TSHZ3: variants seen among roughly 807,000 people sequenced by gnomAD.
TSHZ3 encodes teashirt zinc finger homeobox 3.
In TSHZ3, 10 loss-of-function variants were observed where a neutral mutation model predicts 64.5. The ratio of observed to expected loss-of-function variants is 0.16; its 90% CI spans 0.10 to 0.26. TSHZ3 has a LOEUF of 0.26. TSHZ3 is among the 10% of genes least tolerant of loss of function. The pLI is 1.00. For synonymous variants in TSHZ3, 608 were observed against 593.1 expected, an observed-to-expected ratio of 1.03 and a Z score of -0.36; for missense variants, 1,242 against 1,421.7, an observed-to-expected ratio of 0.87 and a Z score of 2.03.
chr19:31,251,883 G>A (rs990866027), intron 1 of TSHZ3, among the ~76,000 whole-genome samples: 3 of 152,186 alleles, frequency 2.0e-5, no homozygotes, highest in Non-Finnish European at 2.9e-5. Context: ...TGATGCCGGA[G>A]CAAACCGCCT....
intron 4 of TSHZ3, chr19:31,207,542 C>T (rs188898662): frequency 3.2e-4 from 49 of 152,116 alleles, no homozygotes; most frequent in African/African-American, 9.2e-4. Flanking sequence ...AGAAGAGCCT[C>T]GGAGATAATC....
intron 5 of TSHZ3, among the ~76,000 whole-genome samples, chr19:31,182,144 C>G (rs1230456603): frequency 6.6e-6 from 1 of 152,148 alleles, no homozygotes; most frequent in Non-Finnish European, 1.5e-5. Context: ...AGAGTGAGCT[C>G]CATCAGTCTC....
intron 5 of TSHZ3, among the ~76,000 whole-genome samples, chr19:31,185,899 C>A (rs1391136214): frequency 6.6e-6 from 1 of 152,090 alleles, no homozygotes; most frequent in Non-Finnish European, 1.5e-5. Context: ...TTTTCCTGTT[C>A]TAGAATTTTA....
rs1357372386 is a variant in TSHZ3 at position 31,230,937 on chromosome 19, C to T, written n.551-2797G>A. ...CAGGATGGTCTCCATCTCCTGACCT[C>T]GTGATCCTCCAGCCTCGGCCTCCCA... is the stretch of plus-strand genomic sequence containing the variant. On this transcript the variant is annotated intron_variant and non_coding_transcript_variant, in intron 3 of 6. Coordinates refer to the TSHZ3 transcript ENST00000651361. 2.6e-5 allele frequency among the ~76,000 whole-genome samples: 4 copies of T among 151,616 alleles called. No individual in the cohort carries two copies. In the South Asian group the frequency reaches 6.2e-4, roughly 24 times the overall value.
At chr19:31,312,473 T>C (rs545438830) in intron 1 of TSHZ3, among the ~76,000 whole-genome samples, 17 of 152,232 alleles carry the variant, frequency 1.1e-4, no homozygotes, top group South Asian at 1.0e-3. Context: ...GGACACTCCA[T>C]TGCTGGCTGG....
chr19:31,269,355 T>G (rs189207096), intron 1 of TSHZ3, among the ~76,000 whole-genome samples: 2 of 152,290 alleles, frequency 1.3e-5, no homozygotes, highest in Admixed American at 6.5e-5. Flanking sequence ...CTCGGTTTCA[T>G]GGTCACTGAG....
chr19:31,160,865 T>C (rs1032851787), intron 5 of TSHZ3, among the ~76,000 whole-genome samples: 3 of 152,164 alleles, frequency 2.0e-5, no homozygotes, highest in Non-Finnish European at 2.9e-5. Flanking sequence ...AATATTTGTG[T>C]ATGTCCAAAT....
intron 1 of TSHZ3, among the ~76,000 whole-genome samples, chr19:31,330,995 T>C (rs1917073074): frequency 6.6e-6 from 1 of 152,208 alleles, no homozygotes; most frequent in Admixed American, 6.5e-5. Flanking sequence ...AGGCAAATTC[T>C]AGCAAAGACG....
chr19:31,206,077 AT>A (rs1753149356), intron 4 of TSHZ3, among the ~76,000 whole-genome samples: 1 of 4,894 alleles, frequency 2.0e-4, no homozygotes, highest in African/African-American at 2.9e-3. Context: ...GATGGGTGAA[AT>A]GGATGGATGG....
chr19:31,340,278 C>T (rs1039076628), intron 1 of TSHZ3, among the ~76,000 whole-genome samples: 5 of 125,676 alleles, frequency 4.0e-5, no homozygotes, highest in African/African-American at 1.5e-4. Context: ...AGATCAAAAA[C>T]ATTACTCAAC....
chr19:31,332,055 A>G (rs1917111852), intron 1 of TSHZ3, among the ~76,000 whole-genome samples: 2 of 152,202 alleles, frequency 1.3e-5, no homozygotes, highest in South Asian at 4.1e-4. Flanking sequence ...GCATGTTTCC[A>G]TTCACAAAAA....
intron 1 of TSHZ3, among the ~76,000 whole-genome samples, chr19:31,347,560 G>A (rs950531448): frequency 2.6e-5 from 4 of 152,188 alleles, no homozygotes; most frequent in African/African-American, 7.2e-5. Flanking sequence ...GGGTAGATAA[G>A]CTCATTGCTT....
At chr19:31,291,709 A>G (rs1383108704) in intron 1 of TSHZ3, among the ~76,000 whole-genome samples, 1 of 152,234 alleles carries the variant, frequency 6.6e-6, no homozygotes, top group African/African-American at 2.4e-5. Flanking sequence ...CTTCAAGCAC[A>G]TTTAAACTGA....
rs746202541 is a variant in TSHZ3, at chr19:31,276,528, T to C, written c.*19A>G. The C allele has an allele frequency of 2.6e-6, 4 of 1,528,988 alleles. No homozygotes were observed. Among genetic ancestry groups the C allele is most frequent in the Middle Eastern group, 3.5e-4 (2 of 5,658 alleles). 94.7% of individuals were successfully genotyped at this position (1,528,988 alleles called of 1,614,324 possible). A position where few individuals can be genotyped will look rare whatever the true frequency, so the allele number is the denominator to read the frequency against. Reference sequence around the variant, plus strand: ...TTTCCCTCAAAGCAAACTGCAGTCCTTTCTATCAAAAGCAAATGCTACTGC... The same window carrying C: ...TTTCCCTCAAAGCAAACTGCAGTCCCTTCTATCAAAAGCAAATGCTACTGC... On this transcript the variant is annotated 3_prime_UTR_variant, in exon 2 of 2. Transcript: ENST00000240587.
rs963723044 is a variant in TSHZ3, at chr19:31,276,396, T to C, written c.*151A>G. 8.4e-6 allele frequency: 6 copies of C among 714,844 alleles called. No homozygotes were observed. The highest frequency in any genetic ancestry group is 5.3e-5 in the African/African-American group (3 of 56,778). 44.3% of individuals were successfully genotyped at this position (714,844 alleles called of 1,614,324 possible). A position where few individuals can be genotyped will look rare whatever the true frequency, so the allele number is the denominator to read the frequency against. ...CTGATTATGCACCTCTATTAAACAC[T>C]GTACAGTTATACAAAACAGTCCAGC... On this transcript the variant is annotated 3_prime_UTR_variant, in exon 2 of 2. Transcript: ENST00000240587.
At position 31,265,115 on chromosome 19, in the gene TSHZ3, G is replaced by A. The variant is rs144439759; in HGVS notation, n.64-22240C>T. Reference sequence around the variant, plus strand: ...AGTGGGTCACAAAAATCCCATAGCCGGCTGGGTGCAGTGGATCATGCCTGT... The same window carrying A: ...AGTGGGTCACAAAAATCCCATAGCCAGCTGGGTGCAGTGGATCATGCCTGT... On this transcript the variant is annotated intron_variant and non_coding_transcript_variant, in intron 1 of 6. Transcript: ENST00000651361. 2.9e-3 allele frequency among the ~76,000 whole-genome samples: 445 copies of A among 152,130 alleles called. 1 individual carries two copies. Among genetic ancestry groups the A allele is most frequent in the African/African-American group, 7.6e-3 (316 of 41,478 alleles).
chr19:31,167,031 C>A (rs1974463026), intron 5 of TSHZ3, among the ~76,000 whole-genome samples: 1 of 152,138 alleles, frequency 6.6e-6, no homozygotes, highest in African/African-American at 2.4e-5. Context: ...GGAAGTGGAG[C>A]TGAGACCGGA....
At chr19:31,303,058 G>C (rs1976779393) in intron 1 of TSHZ3, among the ~76,000 whole-genome samples, 1 of 152,144 alleles carries the variant, frequency 6.6e-6, no homozygotes, top group Non-Finnish European at 1.5e-5. Flanking sequence ...ACCTCTGAAT[G>C]AATCTGATAG....
At chr19:31,239,511 T>C (rs77635032) in intron 3 of TSHZ3, among the ~76,000 whole-genome samples, 2,740 of 152,306 alleles carry the variant, frequency 0.018, 82 homozygotes, top group African/African-American at 0.063. Flanking sequence ...TTGATTTCAT[T>C]CTCACTTTCA....
Sources: allele counts gnomAD v4.1 joint callset (sites outside exome capture counted in the v4.1 genomes callset), GRCh38; gene constraint gnomAD v4.1.1; transcripts MANE v1.5; gene names NCBI Gene and HGNC (gene_info 2026-07-23, HGNC 2026-07-21).